The following GOLGA8H variants were observed in gnomAD, a reference collection of about 807,000 sequenced individuals.
GOLGA8H encodes the protein golgin A8 family member H, also known as golgin subfamily A member 8H.
GOLGA8H carries 47 observed loss-of-function variants against 82.7 expected under a neutral mutation model. The observed-to-expected ratio is 0.57, with a 90% CI of 0.45 to 0.73. The LOEUF (loss-of-function observed/expected upper bound fraction) is 0.73, where lower values mean the gene tolerates loss of function less well. GOLGA8H is among the 30% of genes least tolerant of loss of function. The pLI is 0.00. For synonymous variants in GOLGA8H, 108 were observed against 241.6 expected, an observed-to-expected ratio of 0.45 and a Z score of 5.13; for missense variants, 372 against 661.0, an observed-to-expected ratio of 0.56 and a Z score of 4.79.
chr15:30,605,928 A>C lies in GOLGA8H; in HGVS notation c.134A>C (p.Lys45Thr), dbSNP rs1290076358. ...NRKTNGSVPE[K>T]ATSGGCQPPG... ...AAAACAAATGGCAGTGTCCCTGAGAAAGCCACTTCTGGTGGTTGCCAGCCA... is the reference window on the plus strand; with the variant it reads ...AAAACAAATGGCAGTGTCCCTGAGACAGCCACTTCTGGTGGTTGCCAGCCA... The change falls in exon 2 of 19, where the codon AAA (lysine) becomes ACA (threonine). Residue 45 changes from lysine (K) to threonine (T), a missense_variant. Transcript: ENST00000566740. 13 of 1,596,676 alleles carry C rather than the reference A, an allele frequency of 8.1e-6. No individual in the cohort carries two copies. Among genetic ancestry groups the C allele is most frequent in the Middle Eastern group, 2.2e-4 (1 of 4,578 alleles).
chr15:30,611,608 C>G (rs988559984), intron 13 of GOLGA8H, among the ~76,000 whole-genome samples: 4 of 148,166 alleles, frequency 2.7e-5, no homozygotes, highest in African/African-American at 7.5e-5. Flanking sequence ...AGAGACAGTG[C>G]TATAACAGGC....
In GOLGA8H at chr15:30,605,938, T is replaced by C. The variant is rs764574385; in HGVS notation, c.144T>C (p.Ser48=). The change falls in exon 2 of 19, where the codon TCT becomes TCC. Residue 48 remains serine, a synonymous_variant. Transcript: ENST00000566740. ...TNGSVPEKAT[S]GGCQPPGDSA... The stretch of plus-strand genomic sequence containing the variant: ...GCAGTGTCCCTGAGAAAGCCACTTC[T>C]GGTGGTTGCCAGCCACCTGGGGATG... The C allele has an allele frequency of 1.0e-4, 161 of 1,597,104 alleles. 4 individuals carry two copies. In the Middle Eastern group the frequency reaches 1.3e-3, roughly 13 times the overall value.
Position 30,616,155 on chromosome 15 carries a change from T to C in GOLGA8H, c.*1594T>C, listed in dbSNP as rs1354501341. 6.6e-6 allele frequency among the ~76,000 whole-genome samples: 1 copy of C among 152,002 alleles called. No individual in the cohort carries two copies. The highest frequency in any genetic ancestry group is 2.4e-5 in the African/African-American group (1 of 41,390). On this transcript the variant is annotated 3_prime_UTR_variant, in exon 19 of 19. Transcript: ENST00000566740. Reference sequence around the variant, plus strand: ...GAATGCATTTCAGTTGTATATTGCCTAAATCGTAACTTGATGATGCTTGGG... The same window carrying C: ...GAATGCATTTCAGTTGTATATTGCCCAAATCGTAACTTGATGATGCTTGGG...
intron 8 of GOLGA8H, among the ~76,000 whole-genome samples, chr15:30,609,488 G>A (rs1051406034): frequency 1.5e-4 from 22 of 145,640 alleles, no homozygotes; most frequent in African/African-American, 3.7e-4. Context: ...TGGTGGTTGC[G>A]AGGATTAAAT....
chr15:30,617,286 A>G lies in GOLGA8H; in HGVS notation c.*2725A>G, dbSNP rs1179852444. On this transcript the variant is annotated 3_prime_UTR_variant, in exon 19 of 19. Coordinates refer to ENST00000566740, the MANE Select transcript of GOLGA8H (RefSeq NM_001282490.2). ...AACACCTATTTAAAGATGGCAATAT[A>G]TAATAATCATTTTAAAAGTATTTGA... 1 of 152,096 alleles carries G rather than the reference A, an allele frequency of 6.6e-6. No individual in the cohort carries two copies. The highest frequency in any genetic ancestry group is 1.5e-5 in the Non-Finnish European group (1 of 68,002). 9.4% of individuals were successfully genotyped at this position (152,096 alleles called of 1,614,324 possible).
Position 30,611,459 on chromosome 15 carries a change from C to A in GOLGA8H, c.1200+113C>A. 8.5e-6 allele frequency: 13 copies of A among 1,534,162 alleles called. 1 individual carries two copies. The highest frequency in any genetic ancestry group is 3.5e-5 in the South Asian group (3 of 85,916). ...CAGCTTCCAGCCTGGGGGCTGGTGACCACAGCACCCCGCAGGGCAGTCCTG... is the reference window on the plus strand; with the variant it reads ...CAGCTTCCAGCCTGGGGGCTGGTGAACACAGCACCCCGCAGGGCAGTCCTG... On this transcript the variant is annotated intron_variant, in intron 13 of 18. Coordinates refer to ENST00000566740, the MANE Select transcript of GOLGA8H (RefSeq NM_001282490.2).
intron 13 of GOLGA8H, 105 bp downstream of exon 13, chr15:30,611,451 G>T: frequency 2.6e-6 from 4 of 1,530,294 alleles, no homozygotes; most frequent in Non-Finnish European, 2.6e-6. Flanking sequence ...CAGCCTGGGG[G>T]CTGGTGACCA....
At position 30,605,907 on chromosome 15, in the gene GOLGA8H, C is replaced by G. The variant is rs1350697343; in HGVS notation, c.113C>G (p.Thr38Arg). ...GCAGGAGCGAACAGGAACAGGAAAA[C>G]AAATGGCAGTGTCCCTGAGAAAGCC... ...VPAGANRNRK[T>R]NGSVPEKATS... Residue 38 changes from threonine (T) to arginine (R), a missense_variant, in exon 2 of 19, where the codon ACA (threonine) becomes AGA (arginine). Coordinates refer to ENST00000566740, the MANE Select transcript of GOLGA8H (RefSeq NM_001282490.2). 1.3e-5 allele frequency: 21 copies of G among 1,592,076 alleles called. 2 individuals carry two copies. The highest frequency in any genetic ancestry group is 1.6e-5 in the Non-Finnish European group (19 of 1,175,384).
chr15:30,607,770 C>T (rs1426512282), intron 4 of GOLGA8H: 2 of 598,334 alleles, frequency 3.3e-6, no homozygotes, highest in Non-Finnish European at 5.9e-6. Flanking sequence ...TTCTGAAACT[C>T]CATCTCTAGA....
rs752928457 is a variant in GOLGA8H at position 30,610,105 on chromosome 15, A to T, written c.785A>T (p.Glu262Val). 3 of 1,610,842 alleles carry T rather than the reference A, an allele frequency of 1.9e-6. No homozygotes were observed. Among genetic ancestry groups the T allele is most frequent in the African/African-American group, 1.3e-5 (1 of 74,432 alleles). ...WQQRMRKMSQ[E>V]ICTLKKEKQQ... Reference sequence around the variant, plus strand: ...CAGAGGATGAGAAAAATGTCGCAGGAGGTGAGATCTCACCCTTCAGCCCCC... The same window carrying T: ...CAGAGGATGAGAAAAATGTCGCAGGTGGTGAGATCTCACCCTTCAGCCCCC... The change falls in exon 10 of 19, where the codon GAG becomes GTG. Residue 262 changes from glutamate (E) to valine (V), a missense_variant and splice_region_variant. Coordinates refer to ENST00000566740, the MANE Select transcript of GOLGA8H (RefSeq NM_001282490.2).
Position 30,606,146 on chromosome 15 carries a change from C to T in GOLGA8H, c.168+184C>T, listed in dbSNP as rs907487726. 1.7e-4 allele frequency among the ~76,000 whole-genome samples: 26 copies of T among 151,498 alleles called. 1 individual carries two copies. Among genetic ancestry groups the T allele is most frequent in the Non-Finnish European group, 3.4e-4 (23 of 67,968 alleles). On this transcript the variant is annotated intron_variant, in intron 2 of 18. Transcript: ENST00000566740. ...AAGGCAGGCGGATCATGAGGTCAGG[C>T]GATCGAGACCATCCTGGTTAACACG...
chr15:30,604,271 G>A, intron 1 of GOLGA8H, 98 bp downstream of exon 1: 5 of 1,492,900 alleles, frequency 3.3e-6, no homozygotes, highest in Non-Finnish European at 4.5e-6. Context: ...AGGCACACTG[G>A]ACTGGTCCCC....
Position 30,617,677 on chromosome 15 carries a change from A to T in GOLGA8H, c.*3116A>T. 6.6e-6 allele frequency: 1 copy of T among 152,016 alleles called. No individual in the cohort carries two copies. Among genetic ancestry groups the T allele is most frequent in the Admixed American group, 6.6e-5 (1 of 15,246 alleles). 9.4% of individuals were successfully genotyped at this position (152,016 alleles called of 1,614,324 possible). A position where few individuals can be genotyped will look rare whatever the true frequency, so the allele number is the denominator to read the frequency against. The stretch of plus-strand genomic sequence containing the variant: ...GAATGTGTCATGGAAATACTGAAAG[A>T]TTTTTCCCTAGAGTGGCCTTATTGA... On this transcript the variant is annotated 3_prime_UTR_variant, in exon 19 of 19. Transcript: ENST00000566740.
At position 30,607,747 on chromosome 15, in the gene GOLGA8H, G is replaced by A. The variant is rs183601969; in HGVS notation, c.310-283G>A. The A allele has an allele frequency of 1.8e-3, 1,070 of 604,868 alleles. 10 individuals carry two copies. The highest frequency in any genetic ancestry group is 2.7e-3 in the Non-Finnish European group (930 of 345,450). 37.5% of individuals were successfully genotyped at this position (604,868 alleles called of 1,614,324 possible). On this transcript the variant is annotated intron_variant, in intron 4 of 18. Coordinates refer to ENST00000566740, the MANE Select transcript of GOLGA8H (RefSeq NM_001282490.2). ...CACTTCTCTAAATCACAAGTTGCCA[G>A]AAGGAGGGGCCTTTCTGAAACTCCA...
At position 30,608,510 on chromosome 15, in the gene GOLGA8H, C is replaced by G. The variant is rs550515695; in HGVS notation, c.440C>G (p.Thr147Arg). ...TLNIQKGKLN[T>R]DLYHMKRSLR... Reference sequence around the variant, plus strand: ...AACATACAGAAAGGGAAACTAAATACGGACCTGTACCACATGAAACGTTCT... The same window carrying G: ...AACATACAGAAAGGGAAACTAAATAGGGACCTGTACCACATGAAACGTTCT... Residue 147 changes from threonine (T) to arginine (R), a missense_variant, in exon 7 of 19, where the codon ACG becomes AGG. By Grantham distance (71) the Thr-to-Arg change is moderately conservative. Transcript: ENST00000566740. The G allele has an allele frequency of 2.2e-5, 36 of 1,610,902 alleles. No homozygotes were observed. Among genetic ancestry groups the G allele is most frequent in the Non-Finnish European group, 3.1e-5 (36 of 1,179,622 alleles).
chr15:30,608,287 C>G (rs1280903291), intron 5 of GOLGA8H, 44 bp from the exon 6 acceptor site: 2 of 1,572,194 alleles, frequency 1.3e-6, no homozygotes, highest in African/African-American at 2.7e-5. Flanking sequence ...GCTGTGCCAT[C>G]TCTGCCTCCC....
At chr15:30,609,210 C>T (rs1246960176) in intron 8 of GOLGA8H, among the ~76,000 whole-genome samples, 1 of 119,890 alleles carries the variant, frequency 8.3e-6, no homozygotes, top group East Asian at 2.1e-4. Context: ...GAGAGAGCAA[C>T]AAGATGGCCG....
rs1417126711 is a variant in GOLGA8H, at chr15:30,616,278, G to C, written c.*1717G>C. On this transcript the variant is annotated 3_prime_UTR_variant, in exon 19 of 19. Coordinates refer to ENST00000566740, the MANE Select transcript of GOLGA8H (RefSeq NM_001282490.2). ...AGGGAGATAGGTGTGTGTGCTCCCT[G>C]CGGTGGGGATTTCTAGTTACTAGAT... Among the ~76,000 whole-genome samples, 2 of 148,216 alleles carry C rather than the reference G, an allele frequency of 1.3e-5. No homozygotes were observed. The highest frequency in any genetic ancestry group is 3.0e-5 in the Non-Finnish European group (2 of 67,128).
intron 4 of GOLGA8H, chr15:30,607,744 C>T (rs1200604401): frequency 4.1e-5 from 25 of 604,586 alleles, no homozygotes; most frequent in South Asian, 1.8e-4. Flanking sequence ...TCACAAGTTG[C>T]CAGAAGGAGG....
Sources: allele counts gnomAD v4.1 joint callset (sites outside exome capture counted in the v4.1 genomes callset), GRCh38; gene constraint gnomAD v4.1.1; transcripts MANE v1.5; gene names NCBI Gene and HGNC (gene_info 2026-07-23, HGNC 2026-07-21).